PCDHGB1: variants seen among roughly 807,000 people sequenced by gnomAD.
PCDHGB1 encodes protocadherin gamma subfamily B, 1.
In PCDHGB1, 34 loss-of-function variants were observed where a neutral mutation model predicts 56.6. The ratio of observed to expected loss-of-function variants is 0.60; its 90% CI spans 0.46 to 0.80. PCDHGB1 has a LOEUF of 0.80. Ranked by LOEUF, PCDHGB1 falls within the 30% of genes least tolerant of loss-of-function variation. The probability of loss-of-function intolerance (pLI) is 0.00; values close to 1 mark genes in which losing one functional copy is unlikely to be tolerated. For missense variants in PCDHGB1, 1,278 were observed against 1,204.6 expected (o/e 1.06, Z -0.90); for synonymous variants, 561 against 505.9 (o/e 1.11, Z -1.46).
rs776440788 is a variant in PCDHGB1, at chr5:141,357,631, T to C, written c.2409+4962T>C. ...AGACCCTAATCTTCAGGTGAGTCAA[T>C]CTTATAATAGATCATACCACACTGA... On this transcript the variant is annotated intron_variant, in intron 1 of 3. Transcript: ENST00000523390. 6.8e-6 allele frequency: 11 copies of C among 1,613,284 alleles called. No individual in the cohort carries two copies. The Admixed American group carries it at 1.8e-4, about 27-fold the overall frequency.
At position 141,476,973 on chromosome 5, in the gene PCDHGB1, A is replaced by C. The variant is rs1205314116; in HGVS notation, c.2410-17834A>C. Reference sequence around the variant, plus strand: ...GAAATTATTTACTCCTTCGGCAGCCACAACCGCGCCGGCGTGCGGCAACTA... The same window carrying C: ...GAAATTATTTACTCCTTCGGCAGCCCCAACCGCGCCGGCGTGCGGCAACTA... On this transcript the variant is annotated intron_variant, in intron 1 of 3. Coordinates refer to ENST00000523390, the MANE Select transcript of PCDHGB1 (RefSeq NM_018922.3). The surrounding 1 kb of genome is among the most constrained non-coding windows in gnomAD (Gnocchi z 7.6). 6.2e-7 allele frequency: 1 copy of C among 1,614,230 alleles called. No homozygotes were observed. The highest frequency in any genetic ancestry group is 2.2e-5 in the East Asian group (1 of 44,884).
At chr5:141,430,653 A>G (rs2097300223) in intron 1 of PCDHGB1, 4 of 1,073,410 alleles carry the variant, frequency 3.7e-6, no homozygotes, top group Middle Eastern at 2.4e-4. Context: ...TGTGGAAACA[A>G]CGGAGGAGCT....
intron 1 of PCDHGB1, among the ~76,000 whole-genome samples, chr5:141,444,359 C>T (rs942218966): frequency 7.9e-5 from 12 of 151,582 alleles, no homozygotes; most frequent in East Asian, 7.7e-4. Context: ...TTAGTAGAGA[C>T]GGGGTTTCTC....
intron 1 of PCDHGB1, chr5:141,395,179 A>C: frequency 6.2e-7 from 1 of 1,614,164 alleles, no homozygotes; most frequent in South Asian, 1.1e-5. Flanking sequence ...GAGAAAAATG[A>C]TTCTTTGTTA....
intron 1 of PCDHGB1, chr5:141,385,236 C>T: frequency 2.5e-6 from 4 of 1,614,152 alleles, no homozygotes; most frequent in Non-Finnish European, 3.4e-6. Flanking sequence ...TAGACATGCT[C>T]ATCAGCCAGG....
intron 1 of PCDHGB1, chr5:141,370,500 G>T (rs781752977): frequency 6.2e-7 from 1 of 1,613,922 alleles, no homozygotes; most frequent in Admixed American, 1.7e-5. Flanking sequence ...GATCCGCTAC[G>T]CTATTCCCGA....
rs200464357 is a variant in PCDHGB1 at position 141,489,983 on chromosome 5, G to A, written c.2410-4824G>A. 4.5e-5 allele frequency: 73 copies of A among 1,614,172 alleles called. No homozygotes were observed. Among genetic ancestry groups the A allele is most frequent in the Middle Eastern group, 3.3e-4 (2 of 6,062 alleles). ...CCAACCTTCCAATCCTCAGTTCTAC[G>A]TGTGGGAATCCCAGAGAATGCACCC... On this transcript the variant is annotated intron_variant, in intron 1 of 3. Coordinates refer to ENST00000523390, the MANE Select transcript of PCDHGB1 (RefSeq NM_018922.3). This position sits in a 1 kb window ranked among gnomAD's most constrained non-coding sequence, Gnocchi z 4.5.
At chr5:141,392,896 G>C in intron 1 of PCDHGB1, 2 of 1,613,812 alleles carry the variant, frequency 1.2e-6, no homozygotes, top group South Asian at 1.1e-5. Flanking sequence ...GAAATCGGGA[G>C]GGGACAGATT....
chr5:141,471,204 C>T (rs1349368582), intron 1 of PCDHGB1: 2 of 151,866 alleles, frequency 1.3e-5, no homozygotes, highest in African/African-American at 4.8e-5. Flanking sequence ...CACCCACCCC[C>T]ATGCCTGGCA....
chr5:141,434,517 G>A (rs1476955199), intron 1 of PCDHGB1, among the ~76,000 whole-genome samples: 1 of 152,212 alleles, frequency 6.6e-6, no homozygotes, highest in East Asian at 1.9e-4. Context: ...GCTTAAAGGT[G>A]TTCTTAAACC....
At chr5:141,356,203 G>T in intron 1 of PCDHGB1, 1 of 1,607,564 alleles carries the variant, frequency 6.2e-7, no homozygotes, top group Non-Finnish European at 8.5e-7. Context: ...CAAGGTACTG[G>T]TGACAGTTCT....
intron 1 of PCDHGB1, among the ~76,000 whole-genome samples, chr5:141,438,349 C>G (rs892834423): frequency 6.6e-6 from 1 of 151,762 alleles, no homozygotes; most frequent in Non-Finnish European, 1.5e-5. Flanking sequence ...AGGATCTACT[C>G]TGTGTATTGT....
intron 1 of PCDHGB1, chr5:141,413,750 G>T (rs1325273363): frequency 6.2e-7 from 1 of 1,612,538 alleles, no homozygotes; most frequent in African/African-American, 1.3e-5. Flanking sequence ...CGTGCCAATG[G>T]CGTCAAGTAC....
intron 1 of PCDHGB1, chr5:141,400,317 G>A: frequency 6.2e-7 from 1 of 1,614,078 alleles, no homozygotes; most frequent in Middle Eastern, 1.6e-4. Flanking sequence ...TCTGTGTCAA[G>A]TCTGGACCTG....
At position 141,352,169 on chromosome 5, in the gene PCDHGB1, C is replaced by T. The variant is rs769039545; in HGVS notation, c.1909C>T (p.Arg637Cys). The T allele has an allele frequency of 2.2e-5, 35 of 1,613,424 alleles. No homozygotes were observed. In the South Asian group the frequency reaches 3.5e-4, roughly 16 times the overall value. ...ALGDRDAARQ[R>C]LLVAVRDGGQ... Reference sequence around the variant, plus strand: ...GGGCGACAGGGACGCGGCCCGCCAGCGCCTGCTGGTCGCTGTGCGTGATGG... The same window carrying T: ...GGGCGACAGGGACGCGGCCCGCCAGTGCCTGCTGGTCGCTGTGCGTGATGG... Residue 637 changes from arginine to cysteine, a missense_variant, in exon 1 of 4, where the codon CGC becomes TGC. Coordinates refer to ENST00000523390, the MANE Select transcript of PCDHGB1 (RefSeq NM_018922.3).
chr5:141,404,879 G>C (rs770577946), intron 1 of PCDHGB1: 1 of 1,613,906 alleles, frequency 6.2e-7, no homozygotes, highest in Non-Finnish European at 8.5e-7. Flanking sequence ...ACAGAGCCTT[G>C]TGGTGGCTGT....
chr5:141,388,630 T>C (rs754073337), intron 1 of PCDHGB1: 1 of 1,613,816 alleles, frequency 6.2e-7, no homozygotes, highest in Non-Finnish European at 8.5e-7. Flanking sequence ...GTATACAGGG[T>C]GAGCCTTTCA....
chr5:141,381,720 T>G (rs1777381403), intron 1 of PCDHGB1, among the ~76,000 whole-genome samples: 1 of 152,132 alleles, frequency 6.6e-6, no homozygotes, highest in Non-Finnish European at 1.5e-5. Context: ...CTCACAAGAC[T>G]GGGAGTGAGA....
chr5:141,383,698 A>G lies in PCDHGB1; in HGVS notation c.2409+31029A>G, dbSNP rs376903516. 5.0e-6 allele frequency: 8 copies of G among 1,614,026 alleles called. No homozygotes were observed. Among genetic ancestry groups the G allele is most frequent in the South Asian group, 1.1e-5 (1 of 91,088 alleles). On this transcript the variant is annotated intron_variant, in intron 1 of 3. Transcript: ENST00000523390. ...TACAAGACTGCTCACGGTACATGCTATCGACCTGGACGAGGGAGTCAATGG... is the reference window on the plus strand; with the variant it reads ...TACAAGACTGCTCACGGTACATGCTGTCGACCTGGACGAGGGAGTCAATGG...
Sources: allele counts gnomAD v4.1 joint callset (sites outside exome capture counted in the v4.1 genomes callset), GRCh38; gene constraint gnomAD v4.1.1; non-coding constraint Gnocchi (gnomAD v3.1); transcripts MANE v1.5; gene names NCBI Gene and HGNC (gene_info 2026-07-23, HGNC 2026-07-21).